Variants in CSMD1 observed in about 807,000 individuals in gnomAD.
CSMD1 encodes the protein CUB and sushi domain-containing protein 1.
A neutral mutation model predicts 417.5 loss-of-function variants in CSMD1; 213 were observed. That is an observed-to-expected ratio of 0.51 (90% CI 0.46 to 0.57). The LOEUF (loss-of-function observed/expected upper bound fraction) is 0.57. CSMD1 is among the 20% of genes least tolerant of loss of function. The pLI is 0.00. For missense variants in CSMD1, 6,923 were observed against 4,529.7 expected, an observed-to-expected ratio of 1.53 and a Z score of -15.17; for synonymous variants, 2,862 against 1,736.8, an observed-to-expected ratio of 1.65 and a Z score of -16.11.
At chr8:4,930,202 A>G (rs185178788) in intron 1 of CSMD1, among the ~76,000 whole-genome samples, 39 of 152,318 alleles carry the variant, frequency 2.6e-4, no homozygotes, top group African/African-American at 9.1e-4. Flanking sequence ...TCCAATTCCA[A>G]TATGCAATCA....
At chr8:3,811,640 C>T (rs945154808) in intron 5 of CSMD1, among the ~76,000 whole-genome samples, 2 of 152,054 alleles carry the variant, frequency 1.3e-5, no homozygotes, top group Non-Finnish European at 2.9e-5. Context: ...TCAAGTCAGG[C>T]CATTCCTTGC....
intron 5 of CSMD1, among the ~76,000 whole-genome samples, chr8:3,812,829 T>C (rs1040757251): frequency 2.6e-5 from 4 of 152,194 alleles, no homozygotes; most frequent in Non-Finnish European, 5.9e-5. Context: ...CTAGGAGTTT[T>C]GAAACATTTA....
At chr8:4,261,626 T>C (rs1369075158) in intron 3 of CSMD1, among the ~76,000 whole-genome samples, 1 of 152,108 alleles carries the variant, frequency 6.6e-6, no homozygotes, top group Non-Finnish European at 1.5e-5. Flanking sequence ...CGCAGGCTAG[T>C]GTTGAACTCC....
At chr8:3,491,402 T>C (rs192584464) in intron 11 of CSMD1, among the ~76,000 whole-genome samples, 37 of 152,330 alleles carry the variant, frequency 2.4e-4, no homozygotes, top group Admixed American at 2.2e-3. Flanking sequence ...GTAAAATGTA[T>C]TATGCATTTA....
chr8:3,768,991 A>AGCAG (rs757009627), intron 5 of CSMD1, among the ~76,000 whole-genome samples: 6 of 152,276 alleles, frequency 3.9e-5, no homozygotes, highest in Non-Finnish European at 7.3e-5. Flanking sequence ...ATTCCCGCAC[A>AGCAG]GCAGGCCCAC....
chr8:3,015,620 C>A lies in CSMD1; in HGVS notation c.8029+2857G>T, dbSNP rs955304917. ...CTTGTGAAATTATATATATATATAT[C>A]TCCTTACCAACTGCATCTTTAGTAA... On this transcript the variant is annotated intron_variant, in intron 52 of 69. Coordinates refer to ENST00000635120, the MANE Select transcript of CSMD1 (RefSeq NM_033225.6). Among the ~76,000 whole-genome samples, 27 of 151,974 alleles carry A rather than the reference C, an allele frequency of 1.8e-4. No homozygotes were observed. In the South Asian group the frequency reaches 4.0e-3, roughly 22 times the overall value.
At chr8:4,274,760 C>T (rs188507082) in intron 3 of CSMD1, among the ~76,000 whole-genome samples, 16 of 152,160 alleles carry the variant, frequency 1.1e-4, no homozygotes, top group East Asian at 5.8e-4. Context: ...TCAGGAGATA[C>T]GGGATTATTA....
chr8:3,608,223 G>A (rs1801715311), intron 8 of CSMD1, among the ~76,000 whole-genome samples: 1 of 151,924 alleles, frequency 6.6e-6, no homozygotes, highest in Non-Finnish European at 1.5e-5. Context: ...CACTGAAGGT[G>A]GGCAGGTGCC....
intron 2 of CSMD1, among the ~76,000 whole-genome samples, chr8:4,476,672 T>G (rs538253964): frequency 1.3e-5 from 2 of 152,258 alleles, no homozygotes; most frequent in Non-Finnish European, 2.9e-5. Flanking sequence ...GGCTGTGGAC[T>G]CCCAGGTCAA....
chr8:3,833,759 G>A (rs1185569832), intron 5 of CSMD1, among the ~76,000 whole-genome samples: 1 of 151,986 alleles, frequency 6.6e-6, no homozygotes, highest in East Asian at 1.9e-4. Flanking sequence ...TTAAAATGTG[G>A]CCCTGGTTCT....
intron 5 of CSMD1, among the ~76,000 whole-genome samples, chr8:3,972,222 GA>G (rs933959918): frequency 3.7e-4 from 54 of 146,918 alleles, no homozygotes; most frequent in East Asian, 1.8e-3. Context: ...AAAGCAGGGA[GA>G]AAAAAAAAAG....
chr8:3,917,543 G>C (rs1808913706), intron 5 of CSMD1, among the ~76,000 whole-genome samples: 2 of 152,106 alleles, frequency 1.3e-5, no homozygotes, highest in Non-Finnish European at 2.9e-5. Context: ...TTATTACCTG[G>C]AATGCCTTTT....
At chr8:3,791,812 G>C (rs1379337387) in intron 5 of CSMD1, among the ~76,000 whole-genome samples, 1 of 150,492 alleles carries the variant, frequency 6.6e-6, no homozygotes, top group Non-Finnish European at 1.5e-5. Context: ...GACAGAATAA[G>C]ACTCAGTATC....
At chr8:2,998,358 C>G (rs1417223314) in intron 53 of CSMD1, among the ~76,000 whole-genome samples, 174 bp from the exon 54 acceptor site, 2 of 152,214 alleles carry the variant, frequency 1.3e-5, no homozygotes, top group African/African-American at 4.8e-5. Flanking sequence ...GGAGCTACAA[C>G]CACAGGCTGA....
intron 3 of CSMD1, among the ~76,000 whole-genome samples, chr8:4,177,486 C>A (rs1165307888): frequency 2.6e-5 from 4 of 151,888 alleles, no homozygotes; most frequent in African/African-American, 9.7e-5. Context: ...TAGGAAAGAT[C>A]CAAAATTGAC....
chr8:4,055,511 A>C (rs1265585561), intron 3 of CSMD1, among the ~76,000 whole-genome samples: 1 of 141,248 alleles, frequency 7.1e-6, no homozygotes, highest in African/African-American at 3.1e-5. Context: ...ATAAGAGTCA[A>C]AATCAGCTCA....
chr8:4,806,762 T>G (rs1798611803), intron 1 of CSMD1, among the ~76,000 whole-genome samples: 1 of 152,084 alleles, frequency 6.6e-6, no homozygotes, highest in African/African-American at 2.4e-5. Context: ...AACCACCCAT[T>G]TGATCACAAA....
At chr8:3,284,405 A>T (rs1209560388) in intron 25 of CSMD1, 59 bp from the exon 26 acceptor site, 1 of 1,317,768 alleles carries the variant, frequency 7.6e-7, no homozygotes, top group Non-Finnish European at 1.1e-6. Context: ...CTGACCCCAT[A>T]GCTGTAAAGT....
chr8:4,456,724 G>A (rs545362239), intron 2 of CSMD1, among the ~76,000 whole-genome samples: 3 of 152,096 alleles, frequency 2.0e-5, no homozygotes, highest in Non-Finnish European at 2.9e-5. Context: ...ACCCCCTGCT[G>A]CATCAGTCCT....
Sources: gnomAD v4.1 joint callset for allele counts (sites outside exome capture counted in the v4.1 genomes callset) on GRCh38, gnomAD v4.1.1 for gene constraint, MANE v1.5 for transcripts, NCBI Gene and HGNC (gene_info 2026-07-23, HGNC 2026-07-21) for gene names.